PHF14: variants seen among roughly 807,000 people sequenced by gnomAD.
PHF14 encodes PHD finger protein 14.
In PHF14, 55 loss-of-function variants were observed where a neutral mutation model predicts 117.9. That is an observed-to-expected ratio of 0.47 (90% CI 0.38 to 0.58). The LOEUF (loss-of-function observed/expected upper bound fraction) is 0.58, where lower values mean the gene tolerates loss of function less well. PHF14 is among the 20% of genes least tolerant of loss of function. PHF14 has a pLI of 0.00. For synonymous variants in PHF14, 409 were observed against 368.6 expected (o/e 1.11, Z -1.26); for missense variants, 978 against 1,122.2 (o/e 0.87, Z 1.84).
At chr7:11,166,204 C>T (rs1028345005) in intron 17 of PHF14, among the ~76,000 whole-genome samples, 7 of 151,954 alleles carry the variant, frequency 4.6e-5, no homozygotes, top group Non-Finnish European at 8.8e-5. Flanking sequence ...ATTTTCTTTA[C>T]GATTGTTTCA....
At chr7:11,069,338 G>C (rs1785529550) in intron 16 of PHF14, among the ~76,000 whole-genome samples, 2 of 152,032 alleles carry the variant, frequency 1.3e-5, no homozygotes, top group Admixed American at 6.6e-5. Flanking sequence ...AGGGAGATGG[G>C]GAAGGGGTAG....
chr7:11,007,134 A>G (rs6943167), intron 4 of PHF14, among the ~76,000 whole-genome samples: 17,074 of 152,014 alleles, frequency 0.11, 1,171 homozygotes, highest in African/African-American at 0.2. Flanking sequence ...CGGAGATTGC[A>G]GTGAGCCGAG....
intron 5 of PHF14, among the ~76,000 whole-genome samples, chr7:11,016,940 C>G (rs572187439): frequency 5.9e-5 from 9 of 152,224 alleles, no homozygotes; most frequent in African/African-American, 2.2e-4. Context: ...CTTCTCCTGT[C>G]TGTGTCCATG....
chr7:11,051,784 GT>G lies in PHF14; in HGVS notation c.2481+7del. The G allele has an allele frequency of 1.2e-6, 2 of 1,611,542 alleles. No individual in the cohort carries two copies. Among genetic ancestry groups the G allele is most frequent in the Non-Finnish European group, 8.5e-7 (1 of 1,178,520 alleles). On this transcript the variant is annotated splice_donor_5th_base_variant and intron_variant, in intron 14 of 17. Transcript: ENST00000634607. ...GAAGATTCCGATAAGAAACACGGTA[GT>G]TTATTTTTTATTTATCATAAGCATC... is the stretch of plus-strand genomic sequence containing the variant.
chr7:11,127,595 G>T (rs1282245333), intron 17 of PHF14, among the ~76,000 whole-genome samples: 1 of 151,992 alleles, frequency 6.6e-6, no homozygotes, highest in Admixed American at 6.6e-5. Flanking sequence ...ACTCCCAGGG[G>T]ACAAACTCTG....
intron 17 of PHF14, among the ~76,000 whole-genome samples, chr7:11,112,238 C>G (rs1310733720): frequency 6.6e-6 from 1 of 152,140 alleles, no homozygotes; most frequent in Non-Finnish European, 1.5e-5. Context: ...CGAAAATTAA[C>G]TGTCTGTTGT....
rs111592387 is a variant in PHF14, at chr7:11,151,703, G to A, written c.2773-17713G>A. Among the ~76,000 whole-genome samples, 1,088 of 152,110 alleles carry A rather than the reference G, an allele frequency of 7.2e-3. 13 individuals are homozygous for A. Among genetic ancestry groups the A allele is most frequent in the African/African-American group, 0.025 (1,045 of 41,494 alleles). On this transcript the variant is annotated intron_variant, in intron 17 of 17. Transcript: ENST00000634607. ...GCTATCAATGTTCCCAAGACCCCCA[G>A]GAGTCATGCATGGCCCTAGCTCTGT... is the stretch of plus-strand genomic sequence containing the variant.
rs564998009 is a variant in PHF14, at chr7:11,162,072, C to CTTTTT, written c.2773-7314_2773-7310dup. 1.8e-3 allele frequency among the ~76,000 whole-genome samples: 126 copies of CTTTTT among 70,294 alleles called. 3 individuals carry two copies. Among genetic ancestry groups the CTTTTT allele is most frequent in the Non-Finnish European group, 1.8e-3 (61 of 33,654 alleles). 46.1% of individuals were successfully genotyped at this position (70,294 alleles called of 152,430 possible). ...TCAGCAGGATATCTTAAAAATATGTCTTTTTTTTTTTTTTTTTTTTTTTTT... is the reference window on the plus strand; with the variant it reads ...TCAGCAGGATATCTTAAAAATATGTCTTTTTTTTTTTTTTTTTTTTTTTTTTTTTT... On this transcript the variant is annotated intron_variant, in intron 17 of 17. Coordinates refer to ENST00000634607, the MANE Select transcript of PHF14 (RefSeq NM_001007157.2).
chr7:10,976,751 G>C (rs1215077222), intron 2 of PHF14, among the ~76,000 whole-genome samples: 4 of 151,312 alleles, frequency 2.6e-5, no homozygotes, highest in Non-Finnish European at 5.9e-5. Context: ...AAAAATGATA[G>C]GATGAGTTTT....
In PHF14 at chr7:11,051,724, A is replaced by T; in HGVS notation, c.2425A>T (p.Lys809Ter). ...RSRRQIKEPVKFVPQDVPPEP... is the reference protein window; with the variant it reads ...RSRRQIKEPV ...AAGGAGGCAGATTAAGGAACCAGTG[A>T]AATTTGTTCCACAGGATGTGCCACC... The change falls in exon 14 of 18, where the codon AAA becomes TAA. Residue 809 changes from lysine (K) to a stop codon, truncating the protein, a stop_gained. Coordinates refer to ENST00000634607, the MANE Select transcript of PHF14 (RefSeq NM_001007157.2). LOFTEE classifies it high-confidence loss of function. 6.2e-7 allele frequency: 1 copy of T among 1,613,714 alleles called. No individual in the cohort carries two copies. Among genetic ancestry groups the T allele is most frequent in the Non-Finnish European group, 8.5e-7 (1 of 1,179,696 alleles).
intron 4 of PHF14, among the ~76,000 whole-genome samples, chr7:10,999,195 C>G (rs1171456788): frequency 6.6e-6 from 1 of 152,182 alleles, no homozygotes; most frequent in Non-Finnish European, 1.5e-5. Context: ...TTTTCACTTT[C>G]TTCTAGCACA....
At chr7:11,148,112 A>C (rs888256291) in intron 17 of PHF14, among the ~76,000 whole-genome samples, 1 of 152,198 alleles carries the variant, frequency 6.6e-6, no homozygotes. Context: ...CCAAGTTACC[A>C]TCATTCCTGA....
chr7:11,096,225 C>G (rs1241239774), intron 16 of PHF14, among the ~76,000 whole-genome samples: 1 of 151,880 alleles, frequency 6.6e-6, no homozygotes, highest in Non-Finnish European at 1.5e-5. Context: ...CCATTTAGGG[C>G]CATCCATGTA....
intron 7 of PHF14, among the ~76,000 whole-genome samples, chr7:11,029,670 G>T (rs1194807128): frequency 6.6e-6 from 1 of 151,942 alleles, no homozygotes; most frequent in Non-Finnish European, 1.5e-5. Flanking sequence ...TTTTTAATAG[G>T]GTAACTGTCT....
chr7:11,119,847 T>C (rs893897357), intron 17 of PHF14, among the ~76,000 whole-genome samples: 3 of 151,970 alleles, frequency 2.0e-5, no homozygotes, highest in Non-Finnish European at 4.4e-5. Context: ...GGAATTGAGT[T>C]CTTTGAAATC....
intron 16 of PHF14, among the ~76,000 whole-genome samples, chr7:11,066,880 C>T (rs1315925572): frequency 2.0e-5 from 3 of 152,130 alleles, no homozygotes; most frequent in Non-Finnish European, 4.4e-5. Context: ...ATATTAGAAA[C>T]AGCTTGTCCA....
At chr7:11,047,983 C>A (rs73063433) in intron 13 of PHF14, among the ~76,000 whole-genome samples, 7,401 of 150,716 alleles carry the variant, frequency 0.049, 333 homozygotes, top group East Asian at 0.23. Flanking sequence ...AGAGAAAAAC[C>A]TCTTGGTATT....
At chr7:11,003,197 C>G (rs896875678) in intron 4 of PHF14, among the ~76,000 whole-genome samples, 8 of 152,322 alleles carry the variant, frequency 5.3e-5, no homozygotes, top group African/African-American at 1.9e-4. Context: ...CCTTGGCCTC[C>G]CAAAGTGCTG....
chr7:11,136,876 C>G (rs1292116052), intron 17 of PHF14, among the ~76,000 whole-genome samples: 2 of 151,916 alleles, frequency 1.3e-5, no homozygotes, highest in East Asian at 3.8e-4. Flanking sequence ...ATTTTAATTA[C>G]TTAAAAAAAA....
Sources: allele counts gnomAD v4.1 joint callset (sites outside exome capture counted in the v4.1 genomes callset), GRCh38; gene constraint gnomAD v4.1.1; transcripts MANE v1.5; gene names NCBI Gene and HGNC (gene_info 2026-07-23, HGNC 2026-07-21).